TPD52L2: variants seen among roughly 807,000 people sequenced by gnomAD.
TPD52L2 encodes the protein TPD52 like 2, also known as tumor protein D54.
A neutral mutation model predicts 24.7 loss-of-function variants in TPD52L2; 19 were observed. The ratio of observed to expected loss-of-function variants is 0.77; its 90% CI spans 0.54 to 1.13. TPD52L2 has a LOEUF of 1.13. TPD52L2 is among the 50% of genes most tolerant of loss of function. TPD52L2 has a pLI of 0.00. For missense variants in TPD52L2, 236 were observed against 250.4 expected (o/e 0.94, Z 0.39); for synonymous variants, 104 against 100.2 (o/e 1.04, Z -0.23).
chr20:63,882,871 T>C, intron 5 of TPD52L2, 51 bp downstream of exon 5: 1 of 1,465,314 alleles, frequency 6.8e-7, no homozygotes, highest in Non-Finnish European at 9.3e-7. Flanking sequence ...AGGAGTGAGG[T>C]GAGGTGTTGG....
At chr20:63,889,464 G>A (rs946606827) in intron 6 of TPD52L2, among the ~76,000 whole-genome samples, 7 of 151,976 alleles carry the variant, frequency 4.6e-5, no homozygotes, top group South Asian at 2.1e-4. Context: ...GACACAGAAC[G>A]CCTCCACACT....
At chr20:63,865,425 G>A in intron 1 of TPD52L2, 41 bp downstream of exon 1, 1 of 1,510,630 alleles carries the variant, frequency 6.6e-7, no homozygotes, top group African/African-American at 1.4e-5. Flanking sequence ...GATGGGCCCA[G>A]GCTGCCCGTT....
At chr20:63,887,644 G>A in intron 5 of TPD52L2, 2 of 1,605,080 alleles carry the variant, frequency 1.2e-6, no homozygotes, top group Non-Finnish European at 1.7e-6. Context: ...AGAGCCGGGT[G>A]TCTCTGGTGG....
chr20:63,880,890 CAAAA>C (rs60375809), intron 4 of TPD52L2, among the ~76,000 whole-genome samples: 1 of 77,484 alleles, frequency 1.3e-5, no homozygotes. Context: ...GACTCTGTCT[CAAAA>C]AAAAAAAAAA....
At position 63,869,428 on chromosome 20, in the gene TPD52L2, C is replaced by T. The variant is rs2052380858; in HGVS notation, c.152C>T (p.Ala51Val). ...LTEAEEEELRAELTKVEEEIV... is the reference protein window; with the variant it reads ...LTEAEEEELRVELTKVEEEIV... ...GAGGCTGAGGAGGAGGAGCTCAGGG[C>T]TGAGCTTACCAAGGTGCTGTGGCTT... is the stretch of plus-strand genomic sequence containing the variant. Residue 51 changes from alanine (A) to valine (V), a missense_variant, in exon 2 of 7, where the codon GCT becomes GTT. Transcript: ENST00000346249. 1.2e-6 allele frequency: 2 copies of T among 1,614,036 alleles called. No individual in the cohort carries two copies. Among genetic ancestry groups the T allele is most frequent in the African/African-American group, 1.3e-5 (1 of 74,926 alleles).
Position 63,890,211 on chromosome 20 carries a change from G to A in TPD52L2, c.*266G>A, listed in dbSNP as rs2053281018. The A allele has an allele frequency of 1.3e-5, 9 of 710,594 alleles. No homozygotes were observed. The highest frequency in any genetic ancestry group is 6.5e-5 in the South Asian group (3 of 45,984). 44.0% of individuals were successfully genotyped at this position (710,594 alleles called of 1,614,324 possible). A position where few individuals can be genotyped will look rare whatever the true frequency, so the allele number is the denominator to read the frequency against. ...TAGGGGTGCAGGAAGTGGACAGGGC[G>A]GAGGGTTTGAAAGAATATTGAGCCA... On this transcript the variant is annotated 3_prime_UTR_variant, in exon 7 of 7. Coordinates refer to ENST00000346249, the MANE Select transcript of TPD52L2 (RefSeq NM_003288.4).
At chr20:63,883,532 G>T (rs988580264) in intron 5 of TPD52L2, among the ~76,000 whole-genome samples, 7 of 152,184 alleles carry the variant, frequency 4.6e-5, no homozygotes, top group Non-Finnish European at 1.0e-4. Flanking sequence ...CACAGGGGTT[G>T]TAGGAGTGGA....
At chr20:63,872,625 G>T (rs1265978675) in intron 2 of TPD52L2, among the ~76,000 whole-genome samples, 2 of 152,186 alleles carry the variant, frequency 1.3e-5, no homozygotes, top group East Asian at 3.9e-4. Flanking sequence ...TAATCTGCCT[G>T]CCTTGGCCTC....
chr20:63,875,954 C>T (rs2052658148), intron 4 of TPD52L2, 79 bp downstream of exon 4: 3 of 1,394,646 alleles, frequency 2.2e-6, no homozygotes, highest in Middle Eastern at 1.8e-4. Flanking sequence ...GGGCTGTGCA[C>T]ACTTGGCACA....
chr20:63,887,613 A>G (rs1487573278), intron 5 of TPD52L2: 3 of 1,612,816 alleles, frequency 1.9e-6, no homozygotes, highest in Middle Eastern at 1.6e-4. Context: ...GAGGTAATGT[A>G]TGCCTGCTCG....
chr20:63,885,758 C>A (rs1263732348), intron 5 of TPD52L2, among the ~76,000 whole-genome samples: 1 of 152,234 alleles, frequency 6.6e-6, no homozygotes, highest in Non-Finnish European at 1.5e-5. Context: ...TTGGGCACAG[C>A]CGTGAGGCTG....
intron 4 of TPD52L2, 57 bp from the exon 5 acceptor site, chr20:63,882,662 G>T (rs1215741589): frequency 3.6e-6 from 5 of 1,399,608 alleles, no homozygotes; most frequent in Non-Finnish European, 5.1e-6. Flanking sequence ...TGTTTGCTTG[G>T]CTGTGGGTGG....
At chr20:63,875,067 G>A (rs1264659076) in intron 3 of TPD52L2, among the ~76,000 whole-genome samples, 5 of 151,732 alleles carry the variant, frequency 3.3e-5, no homozygotes, top group South Asian at 4.2e-4. Flanking sequence ...TCTTTAACCC[G>A]GGAGGCGGAG....
chr20:63,866,178 C>T (rs550562593), intron 1 of TPD52L2, among the ~76,000 whole-genome samples: 12 of 152,042 alleles, frequency 7.9e-5, no homozygotes, highest in African/African-American at 2.7e-4. Context: ...GATCTCAGCT[C>T]ATTGCAACCT....
chr20:63,887,591 T>C (rs773957956), intron 5 of TPD52L2: 2 of 1,613,418 alleles, frequency 1.2e-6, no homozygotes, highest in African/African-American at 2.7e-5. Context: ...ACTCAATAAG[T>C]ATGCCAGCCA....
intron 4 of TPD52L2, among the ~76,000 whole-genome samples, chr20:63,880,659 G>C (rs945894640): frequency 6.6e-6 from 1 of 152,148 alleles, no homozygotes; most frequent in Non-Finnish European, 1.5e-5. Flanking sequence ...TGGAGGCTGA[G>C]GCAGGCGGAT....
intron 3 of TPD52L2, among the ~76,000 whole-genome samples, chr20:63,875,218 C>T (rs189770071): frequency 8.3e-4 from 126 of 151,686 alleles, no homozygotes; most frequent in African/African-American, 2.7e-3. Flanking sequence ...CTCTGACCCT[C>T]CCCGATGACG....
At chr20:63,875,048 A>G (rs1186192382) in intron 3 of TPD52L2, among the ~76,000 whole-genome samples, 1 of 151,944 alleles carries the variant, frequency 6.6e-6, no homozygotes, top group Non-Finnish European at 1.5e-5. Flanking sequence ...AGGCTGAGGC[A>G]GGAGAATCTC....
Position 63,873,797 on chromosome 20 carries a change from G to T in TPD52L2, c.295G>T (p.Asp99Tyr). The T allele has an allele frequency of 6.3e-7, 1 of 1,575,770 alleles. No individual in the cohort carries two copies. Reference sequence around the variant, plus strand: ...ACAGAACCTGTCCAGGAGCTGGCATGACGTGCAGGTCTCTAGCGCGTAGGT... The same window carrying T: ...ACAGAACCTGTCCAGGAGCTGGCATTACGTGCAGGTCTCTAGCGCGTAGGT... Reference protein sequence around the residue: ...LKQNLSRSWHDVQVSSAYVKT... With the variant: ...LKQNLSRSWHYVQVSSAYVKT... Residue 99 changes from aspartate to tyrosine, a missense_variant, in exon 3 of 7, where the codon GAC (aspartate) becomes TAC (tyrosine). Transcript: ENST00000346249.
Sources: gnomAD v4.1 joint callset for allele counts (sites outside exome capture counted in the v4.1 genomes callset) on GRCh38, gnomAD v4.1.1 for gene constraint, MANE v1.5 for transcripts, NCBI Gene and HGNC (gene_info 2026-07-23, HGNC 2026-07-21) for gene names.